The following STK32C variants were observed in gnomAD, a reference collection of about 807,000 sequenced individuals.
STK32C encodes the protein serine/threonine-protein kinase 32C.
A neutral mutation model predicts 56.5 loss-of-function variants in STK32C; 31 were observed. The ratio of observed to expected loss-of-function variants is 0.55; its 90% CI spans 0.41 to 0.74. The LOEUF is 0.74. Among genes scored for constraint, STK32C ranks in the 30% least tolerant of loss-of-function variants. The probability of loss-of-function intolerance (pLI) is 0.00; values close to 1 mark genes in which losing one functional copy is unlikely to be tolerated. For synonymous variants in STK32C, 309 were observed against 289.4 expected (o/e 1.07, Z -0.69); for missense variants, 544 against 676.9 (o/e 0.80, Z 2.18).
At chr10:132,242,721 T>A (rs2063549642) in intron 2 of STK32C, among the ~76,000 whole-genome samples, 1 of 152,188 alleles carries the variant, frequency 6.6e-6, no homozygotes, top group Non-Finnish European at 1.5e-5. Flanking sequence ...TTGGGTGTTT[T>A]CTTTTTCCCC....
chr10:132,225,534 C>T lies in STK32C; in HGVS notation c.765G>A (p.Pro255=), dbSNP rs1432836823. 8 of 1,613,878 alleles carry T rather than the reference C, an allele frequency of 5.0e-6. No homozygotes were observed. The highest frequency in any genetic ancestry group is 1.6e-4 in the Middle Eastern group (1 of 6,062). ...ACCCCAGCTCGGGCTCACCCATGTA[C>T]GGCTTGGTGCCTGCTAATGCCGTCG... ...ERATALAGTK[P]YMAPEIFHSF... The change falls in exon 6 of 12, where the codon CCG becomes CCA. Residue 255 remains proline (P), a synonymous_variant. Transcript: ENST00000298630.
intron 10 of STK32C, among the ~76,000 whole-genome samples, chr10:132,212,984 G>A (rs528129595): frequency 1.2e-4 from 19 of 152,332 alleles, no homozygotes; most frequent in Admixed American, 3.3e-4. Context: ...GGCCGGGGCC[G>A]TGTGCAGAAC....
chr10:132,225,433 G>A (rs545953249), intron 6 of STK32C, 94 bp downstream of exon 6: 18 of 1,589,626 alleles, frequency 1.1e-5, no homozygotes, highest in African/African-American at 8.1e-5. Context: ...CCGAGACCAG[G>A]CTGCCTCCAG....
chr10:132,241,081 C>T (rs1260817150), intron 2 of STK32C, among the ~76,000 whole-genome samples: 2 of 152,242 alleles, frequency 1.3e-5, no homozygotes, highest in Non-Finnish European at 2.9e-5. Context: ...ACTCACACCC[C>T]AAACACTCCT....
intron 10 of STK32C, among the ~76,000 whole-genome samples, chr10:132,209,526 C>T (rs1390336156): frequency 3.3e-5 from 5 of 152,232 alleles, no homozygotes; most frequent in Non-Finnish European, 7.3e-5. Flanking sequence ...AATCCTGGAA[C>T]CAGGGCTGTC....
chr10:132,267,918 C>T (rs12262547), intron 1 of STK32C, among the ~76,000 whole-genome samples: 36,235 of 92,110 alleles, frequency 0.39, 6,590 homozygotes, highest in African/African-American at 0.54. Flanking sequence ...TGTGTCAGTG[C>T]GTGTGCATGC....
downstream of STK32C, among the ~76,000 whole-genome samples, chr10:132,321,092 C>T (rs1172737749): frequency 6.6e-6 from 1 of 152,164 alleles, no homozygotes; most frequent in Non-Finnish European, 1.5e-5. Context: ...TGGGATGGAA[C>T]ACGGTGAGGC....
intron 2 of STK32C, among the ~76,000 whole-genome samples, chr10:132,231,722 C>A (rs566240922): frequency 1.3e-5 from 2 of 152,204 alleles, no homozygotes; most frequent in African/African-American, 2.4e-5. Flanking sequence ...TGATAAAAGA[C>A]AGAAAAGAGA....
rs71472732 is a variant in STK32C at position 132,263,865 on chromosome 10, C to CAAAAA, written c.263-17915_263-17911dup. Among the ~76,000 whole-genome samples the CAAAAA allele has an allele frequency of 3.0e-3, 226 of 75,502 alleles. 3 individuals are homozygous for CAAAAA. Among genetic ancestry groups the CAAAAA allele is most frequent in the Middle Eastern group, 0.015 (2 of 136 alleles). 49.5% of individuals were successfully genotyped at this position (75,502 alleles called of 152,430 possible). On this transcript the variant is annotated intron_variant, in intron 1 of 11. Transcript: ENST00000298630. The stretch of plus-strand genomic sequence containing the variant: ...TGGATGACAGAACGAGACTCCATCT[C>CAAAAA]AAAAAAAAAAAAAAAAAAAGTTGGG...
chr10:132,223,618 G>A (rs1259017817), intron 8 of STK32C, among the ~76,000 whole-genome samples: 1 of 152,218 alleles, frequency 6.6e-6, no homozygotes, highest in Non-Finnish European at 1.5e-5. Context: ...CTACAGCAGA[G>A]TTAAGAGACT....
intron 1 of STK32C, among the ~76,000 whole-genome samples, chr10:132,318,583 C>T (rs1185815817): frequency 3.3e-5 from 5 of 151,242 alleles, no homozygotes; most frequent in African/African-American, 9.7e-5. Flanking sequence ...CCACTGCACT[C>T]TAGCCTGGGC....
chr10:132,262,475 G>A (rs2064334471), intron 1 of STK32C, among the ~76,000 whole-genome samples: 1 of 152,124 alleles, frequency 6.6e-6, no homozygotes, highest in South Asian at 2.1e-4. Context: ...CACGGCAAGA[G>A]AAACCATCAA....
At chr10:132,227,894 C>T (rs2062950530) in intron 3 of STK32C, 83 bp downstream of exon 3, 1 of 1,531,962 alleles carries the variant, frequency 6.5e-7, no homozygotes, top group African/African-American at 1.4e-5. Context: ...GGCCAAGGAG[C>T]ACCAAGGGCA....
chr10:132,221,001 G>A (rs1258111002), intron 10 of STK32C, among the ~76,000 whole-genome samples: 1 of 152,252 alleles, frequency 6.6e-6, no homozygotes, highest in African/African-American at 2.4e-5. Context: ...CGGCTGTGAA[G>A]GAGACCATTT....
chr10:132,222,783 A>T lies in STK32C; in HGVS notation c.1120-11T>A. On this transcript the variant is annotated splice_polypyrimidine_tract_variant and intron_variant, in intron 9 of 11. Transcript: ENST00000298630. The stretch of plus-strand genomic sequence containing the variant: ...GTGCAGACGGCCTTTCTACAGAGGG[A>T]TGGGTGCTGAGCCCCGGCCCGTGGA... The T allele has an allele frequency of 6.3e-7, 1 of 1,596,664 alleles. No homozygotes were observed. The highest frequency in any genetic ancestry group is 8.5e-7 in the Non-Finnish European group (1 of 1,172,040).
chr10:132,259,366 G>A (rs2064230893), intron 1 of STK32C, among the ~76,000 whole-genome samples: 1 of 152,222 alleles, frequency 6.6e-6, no homozygotes, highest in African/African-American at 2.4e-5. Context: ...CATCCCCAGT[G>A]TTGGAGGAGG....
rs572395524 is a variant in STK32C, at chr10:132,303,468, A to G, written c.262+4104T>C. Among the ~76,000 whole-genome samples, 3 of 149,774 alleles carry G rather than the reference A, an allele frequency of 2.0e-5. No homozygotes were observed. The East Asian group carries it at 5.8e-4, about 29-fold the overall frequency. On this transcript the variant is annotated intron_variant, in intron 1 of 11. Coordinates refer to ENST00000298630, the MANE Select transcript of STK32C (RefSeq NM_173575.4). ...ACACAAATTAAACACATCCATAGAG[A>G]AAAAAGCTAAGTAGCAACATTAAAA... is the stretch of plus-strand genomic sequence containing the variant.
chr10:132,210,272 T>C (rs1279444118), intron 10 of STK32C, among the ~76,000 whole-genome samples: 2 of 152,136 alleles, frequency 1.3e-5, no homozygotes, highest in Non-Finnish European at 2.9e-5. Flanking sequence ...TATCCATGGA[T>C]CCTATTTTTG....
chr10:132,267,883 ATG>A (rs1406254568), intron 1 of STK32C, among the ~76,000 whole-genome samples: 3 of 137,196 alleles, frequency 2.2e-5, no homozygotes, highest in African/African-American at 2.7e-5. Context: ...GTCTGTGTGC[ATG>A]CATGTCCCAC....
Sources: gnomAD v4.1 joint callset for allele counts (sites outside exome capture counted in the v4.1 genomes callset) on GRCh38, gnomAD v4.1.1 for gene constraint, MANE v1.5 for transcripts, NCBI Gene and HGNC (gene_info 2026-07-23, HGNC 2026-07-21) for gene names.